Variants in OSTM1 observed in about 807,000 individuals in gnomAD.
OSTM1 encodes osteoclastogenesis associated transmembrane protein 1, also known as osteopetrosis-associated transmembrane protein 1.
Under a neutral mutation model 35.4 loss-of-function variants are expected in OSTM1, and 26 were observed. That is an observed-to-expected ratio of 0.73 (90% CI 0.54 to 1.02). The LOEUF (loss-of-function observed/expected upper bound fraction) is 1.02. OSTM1 is among the 50% of genes least tolerant of loss of function. The pLI is 0.00. For synonymous variants in OSTM1, 181 were observed against 165.0 expected (o/e 1.10, Z -0.75); for missense variants, 366 against 409.6 (o/e 0.89, Z 0.92).
chr6:108,065,896 C>A (rs557112046), intron 1 of OSTM1, among the ~76,000 whole-genome samples: 1 of 151,902 alleles, frequency 6.6e-6, no homozygotes, highest in South Asian at 2.1e-4. Context: ...TGGAACAGTT[C>A]GGTTCAGGAA....
chr6:108,049,165 T>A lies in OSTM1; in HGVS notation c.949+88A>T, dbSNP rs980838283. On this transcript the variant is annotated intron_variant, in intron 5 of 5. Transcript: ENST00000193322. ...CCTTTTAGGCTAATCTACTTTGAGT[T>A]CTCAGAGTAGCTATCATTTCTAAAA... The A allele has an allele frequency of 5.9e-6, 5 of 840,720 alleles. No individual in the cohort carries two copies. In the East Asian group the frequency reaches 1.3e-4, roughly 22 times the overall value. 52.1% of individuals were successfully genotyped at this position (840,720 alleles called of 1,614,324 possible).
intron 3 of OSTM1, among the ~76,000 whole-genome samples, chr6:108,052,432 CAA>C (rs1174266231): frequency 2.1e-4 from 14 of 66,274 alleles, no homozygotes; most frequent in African/African-American, 4.3e-4. Context: ...GACTCCGTCT[CAA>C]AAAAAAAAAA....
intron 1 of OSTM1, among the ~76,000 whole-genome samples, chr6:108,071,963 T>G (rs1772493450): frequency 1.3e-5 from 2 of 152,174 alleles, no homozygotes; most frequent in South Asian, 4.1e-4. Context: ...CATATGGAAA[T>G]TCACATGCAG....
chr6:108,045,697 A>G (rs1771955513), intron 5 of OSTM1, among the ~76,000 whole-genome samples: 1 of 152,176 alleles, frequency 6.6e-6, no homozygotes, highest in Non-Finnish European at 1.5e-5. Context: ...AATGGGACTG[A>G]GTCATTAGGG....
rs80219951 is a variant in OSTM1, at chr6:108,074,445, C to A, written c.207G>T (p.Gly69=). The change falls in exon 1 of 6, where the codon GGG becomes GGT. Residue 69 remains glycine (G), a synonymous_variant. Coordinates refer to ENST00000193322, the MANE Select transcript of OSTM1 (RefSeq NM_014028.4). ...SLSLLQGGGL[G]PLSLPPDLPD... ...GCAGGTCCGGGGGCAGCGACAGAGG[C>A]CCCAGCCCTCCACCCTGCAGGAGGG... 6.2e-3 allele frequency: 9,650 copies of A among 1,557,620 alleles called. 495 individuals carry two copies. In the African/African-American group the frequency reaches 0.12, roughly 19 times the overall value.
intron 1 of OSTM1, among the ~76,000 whole-genome samples, chr6:108,068,715 C>T (rs1012065672): frequency 1.3e-5 from 2 of 152,054 alleles, no homozygotes; most frequent in African/African-American, 4.8e-5. Context: ...CCCTACCCTC[C>T]CCAGCCCCTA....
At chr6:108,048,515 T>A (rs1320429537) in intron 5 of OSTM1, among the ~76,000 whole-genome samples, 12 of 152,178 alleles carry the variant, frequency 7.9e-5, no homozygotes, top group Admixed American at 7.9e-4. Context: ...GGAACTACGA[T>A]TCCAATTTGT....
chr6:108,057,354 A>T lies in OSTM1; in HGVS notation c.518-2767T>A, dbSNP rs988110640. 3.3e-5 allele frequency among the ~76,000 whole-genome samples: 5 copies of T among 152,358 alleles called. No individual in the cohort carries two copies. In the East Asian group the frequency reaches 7.7e-4, roughly 23 times the overall value. On this transcript the variant is annotated intron_variant, in intron 2 of 5. Coordinates refer to ENST00000193322, the MANE Select transcript of OSTM1 (RefSeq NM_014028.4). Reference sequence around the variant, plus strand: ...GTTTTTGTACATGTTTACAAAAACAATTATATAGTTTTTGTAGTTGATGTG... The same window carrying T: ...GTTTTTGTACATGTTTACAAAAACATTTATATAGTTTTTGTAGTTGATGTG...
At chr6:108,062,535 C>CTT (rs780041339) in intron 2 of OSTM1, among the ~76,000 whole-genome samples, 10,299 of 130,984 alleles carry the variant, frequency 0.079, 707 homozygotes, top group East Asian at 0.21. Context: ...CTTTTCTTTT[C>CTT]TTTTTTTTTT....
Position 108,070,752 on chromosome 6 carries a change from T to C in OSTM1, c.402+3498A>G, listed in dbSNP as rs190104002. 6.1e-3 allele frequency among the ~76,000 whole-genome samples: 929 copies of C among 151,444 alleles called. 9 individuals carry two copies. The highest frequency in any genetic ancestry group is 9.5e-3 in the Non-Finnish European group (644 of 67,884). Reference sequence around the variant, plus strand: ...TAAAAATACAAAAATTAGCCAGGCGTGGTGGTGGGCGCCTGTAATCCCAGC... The same window carrying C: ...TAAAAATACAAAAATTAGCCAGGCGCGGTGGTGGGCGCCTGTAATCCCAGC... On this transcript the variant is annotated intron_variant, in intron 1 of 5. Coordinates refer to ENST00000193322, the MANE Select transcript of OSTM1 (RefSeq NM_014028.4).
At chr6:108,048,014 A>C (rs1016841945) in intron 5 of OSTM1, among the ~76,000 whole-genome samples, 5 of 152,246 alleles carry the variant, frequency 3.3e-5, no homozygotes, top group African/African-American at 1.2e-4. Flanking sequence ...GAGCTACTGC[A>C]TATTTACAGA....
chr6:108,048,287 CT>C (rs2114590125), intron 5 of OSTM1, among the ~76,000 whole-genome samples: 2 of 152,266 alleles, frequency 1.3e-5, no homozygotes, highest in East Asian at 3.9e-4. Flanking sequence ...ACCTTTTCCC[CT>C]AAACAGTTCT....
rs910957057 is a variant in OSTM1 at position 108,041,514 on chromosome 6, T to C, written c.*3271A>G. Reference sequence around the variant, plus strand: ...ATTTATTATAGCTAATATAATAGTTTAGAACAAGGAAATTTAGTAGAGTTG... The same window carrying C: ...ATTTATTATAGCTAATATAATAGTTCAGAACAAGGAAATTTAGTAGAGTTG... On this transcript the variant is annotated 3_prime_UTR_variant, in exon 6 of 6. Coordinates refer to ENST00000193322, the MANE Select transcript of OSTM1 (RefSeq NM_014028.4). 10 of 152,138 alleles carry C rather than the reference T, an allele frequency of 6.6e-5. No individual in the cohort carries two copies. The highest frequency in any genetic ancestry group is 1.3e-4 in the Non-Finnish European group (9 of 68,038). The allele number at this position is 152,138 out of a possible 1,614,324, so 9.4% of individuals were successfully genotyped here. A position where few individuals can be genotyped will look rare whatever the true frequency, so the allele number is the denominator to read the frequency against.
chr6:108,072,459 C>A (rs760043645), intron 1 of OSTM1, among the ~76,000 whole-genome samples: 62 of 151,938 alleles, frequency 4.1e-4, no homozygotes, highest in Non-Finnish European at 7.1e-4. Flanking sequence ...CATGGTGAAA[C>A]CTGTCTCTAC....
Position 108,049,285 on chromosome 6 carries a change from T to G in OSTM1, c.917A>C (p.His306Pro). ...PVVFYLSSFL[H>P]SEQKKRKLIL... ...GAGTTTGCGTTTCTTTTGCTCTGAGTGAAGAAAGCTACTAAGGTAGAAGAC... is the reference window on the plus strand; with the variant it reads ...GAGTTTGCGTTTCTTTTGCTCTGAGGGAAGAAAGCTACTAAGGTAGAAGAC... Residue 306 changes from histidine (H) to proline (P), a missense_variant, in exon 5 of 6, where the codon CAC (histidine) becomes CCC (proline). His to Pro is a moderately conservative substitution (Grantham distance 77, BLOSUM62 -2). Transcript: ENST00000193322. 1 of 1,612,910 alleles carries G rather than the reference T, an allele frequency of 6.2e-7. No homozygotes were observed. Among genetic ancestry groups the G allele is most frequent in the South Asian group, 1.1e-5 (1 of 90,996 alleles).
chr6:108,063,129 T>C (rs1772311931), intron 2 of OSTM1, among the ~76,000 whole-genome samples: 1 of 151,922 alleles, frequency 6.6e-6, no homozygotes, highest in African/African-American at 2.4e-5. Flanking sequence ...CCTCCTGCCT[T>C]AGCCTCCCAA....
At chr6:108,052,007 G>A (rs556962953) in intron 3 of OSTM1, among the ~76,000 whole-genome samples, 45 of 152,244 alleles carry the variant, frequency 3.0e-4, no homozygotes, top group African/African-American at 8.4e-4. Flanking sequence ...AAAAATCAAA[G>A]TAATTACACT....
chr6:108,046,748 T>C (rs957942695), intron 5 of OSTM1, among the ~76,000 whole-genome samples: 4 of 152,216 alleles, frequency 2.6e-5, no homozygotes, highest in African/African-American at 4.8e-5. Context: ...ACTAAAAACA[T>C]TGGCCTAAAC....
intron 1 of OSTM1, 111 bp downstream of exon 1, chr6:108,074,139 C>G: frequency 9.4e-7 from 1 of 1,065,404 alleles, no homozygotes; most frequent in East Asian, 2.6e-5. Flanking sequence ...TCAGTCCAAC[C>G]CCTTTTTCTT....
Sources: allele counts gnomAD v4.1 joint callset (sites outside exome capture counted in the v4.1 genomes callset), GRCh38; gene constraint gnomAD v4.1.1; transcripts MANE v1.5; gene names NCBI Gene and HGNC (gene_info 2026-07-23, HGNC 2026-07-21).